Variants in FAM240B observed in about 807,000 individuals in gnomAD.
FAM240B encodes the protein family with sequence similarity 240 member B.
intron 2 of FAM240B, among the ~76,000 whole-genome samples, chr9:38,695,886 C>G (rs1306372292): frequency 6.6e-6 from 1 of 152,154 alleles, no homozygotes; most frequent in Non-Finnish European, 1.5e-5. Context: ...GAAATAAATA[C>G]GCAGTAATGT....
At chr9:38,701,585 C>T (rs564676618) in intron 2 of FAM240B, among the ~76,000 whole-genome samples, 2 of 152,320 alleles carry the variant, frequency 1.3e-5, no homozygotes, top group Admixed American at 6.5e-5. Flanking sequence ...GGAGAGACCA[C>T]AGGGAGCCTC....
At chr9:38,703,329 G>A (rs1004871201) in intron 2 of FAM240B, among the ~76,000 whole-genome samples, 26 of 152,178 alleles carry the variant, frequency 1.7e-4, no homozygotes, top group African/African-American at 6.3e-4. Context: ...CCGATCTCAA[G>A]TCTGTAGCCC....
chr9:38,708,149 C>G (rs537053938), intron 1 of FAM240B, among the ~76,000 whole-genome samples: 13 of 152,308 alleles, frequency 8.5e-5, no homozygotes, highest in African/African-American at 3.1e-4. Context: ...AGAGGGCTAC[C>G]TACCTGCCCC....
chr9:38,708,893 G>T (rs1484901002), intron 1 of FAM240B, among the ~76,000 whole-genome samples: 3 of 152,224 alleles, frequency 2.0e-5, no homozygotes, highest in Admixed American at 6.5e-5. Flanking sequence ...TGGGCTGTAA[G>T]AATTAGAAAG....
At chr9:38,711,003 C>T (rs1048178086) in intron 1 of FAM240B, among the ~76,000 whole-genome samples, 1 of 152,100 alleles carries the variant, frequency 6.6e-6, no homozygotes, top group Non-Finnish European at 1.5e-5. Flanking sequence ...AGAGAGATGG[C>T]GGCTCATGAC....
At chr9:38,711,143 G>A (rs1251742663) in intron 1 of FAM240B, among the ~76,000 whole-genome samples, 1 of 152,166 alleles carries the variant, frequency 6.6e-6, no homozygotes, top group Non-Finnish European at 1.5e-5. Flanking sequence ...ATCACATCAA[G>A]ACACACATCC....
chr9:38,710,768 T>G (rs1821245859), intron 1 of FAM240B, among the ~76,000 whole-genome samples: 1 of 152,180 alleles, frequency 6.6e-6, no homozygotes, highest in African/African-American at 2.4e-5. Flanking sequence ...CTTATTTTTA[T>G]GCTCTTTATT....
At chr9:38,718,643 A>C (rs920817587) in intron 1 of FAM240B, among the ~76,000 whole-genome samples, 1 of 152,208 alleles carries the variant, frequency 6.6e-6, no homozygotes, top group African/African-American at 2.4e-5. Flanking sequence ...TTCTCAGTTC[A>C]ATTTTGCATC....
At chr9:38,707,535 A>G (rs7047701) in intron 1 of FAM240B, among the ~76,000 whole-genome samples, 35,892 of 151,342 alleles carry the variant, frequency 0.24, 4,578 homozygotes, top group South Asian at 0.35. Flanking sequence ...TTGAGAGGCC[A>G]AGGCAGGCGG....
rs908260850 is a variant in FAM240B at position 38,703,985 on chromosome 9, G to A, written c.15C>T (p.Tyr5=). The A allele has an allele frequency of 1.0e-5, 4 of 390,270 alleles. No individual in the cohort carries two copies. Among genetic ancestry groups the A allele is most frequent in the African/African-American group, 2.1e-5 (1 of 48,218 alleles). 24.2% of individuals were successfully genotyped at this position (390,270 alleles called of 1,614,324 possible). The change falls in exon 2 of 3, where the codon TAC becomes TAT. Residue 5 remains tyrosine (Y), a synonymous_variant. Coordinates refer to ENST00000637493, the MANE Select transcript of FAM240B (RefSeq NM_001394922.1). MNNQ[Y]IRREVFCCGT... The stretch of plus-strand genomic sequence containing the variant: ...CACAGCAGAAGACTTCTCGACGGAT[G>A]TATTGATTGTTCATCCCCTGAAATA...
At chr9:38,706,449 TG>T (rs1330873404) in intron 1 of FAM240B, among the ~76,000 whole-genome samples, 101 of 152,304 alleles carry the variant, frequency 6.6e-4, no homozygotes, top group Non-Finnish European at 2.9e-5. Context: ...CTGGGGTGTT[TG>T]TGACTTAGAG....
chr9:38,709,790 T>C (rs1428716426), intron 1 of FAM240B, among the ~76,000 whole-genome samples: 1 of 152,248 alleles, frequency 6.6e-6, no homozygotes, highest in Non-Finnish European at 1.5e-5. Flanking sequence ...ATTTTTTACA[T>C]GAGCAACTTT....
intron 1 of FAM240B, among the ~76,000 whole-genome samples, chr9:38,714,139 G>C (rs1378749414): frequency 6.6e-6 from 1 of 152,196 alleles, no homozygotes; most frequent in Non-Finnish European, 1.5e-5. Context: ...CATGATGTTA[G>C]TTACAACCCA....
chr9:38,716,437 A>G (rs369687796), intron 1 of FAM240B, among the ~76,000 whole-genome samples: 1 of 151,834 alleles, frequency 6.6e-6, no homozygotes, highest in African/African-American at 2.4e-5. Context: ...GTGCCACAGC[A>G]CTCTAGCTTG....
At chr9:38,716,867 A>G (rs914067792) in intron 1 of FAM240B, among the ~76,000 whole-genome samples, 1 of 152,206 alleles carries the variant, frequency 6.6e-6, no homozygotes, top group African/African-American at 2.4e-5. Flanking sequence ...TTAGAAATGG[A>G]CTACCTGGAA....
At chr9:38,716,872 C>G (rs1326116868) in intron 1 of FAM240B, among the ~76,000 whole-genome samples, 1 of 152,186 alleles carries the variant, frequency 6.6e-6, no homozygotes, top group Admixed American at 6.5e-5. Flanking sequence ...AATGGACTAC[C>G]TGGAACGAAG....
chr9:38,709,490 C>T (rs1821227370), intron 1 of FAM240B, among the ~76,000 whole-genome samples: 1 of 152,218 alleles, frequency 6.6e-6, no homozygotes, highest in South Asian at 2.1e-4. Flanking sequence ...CAGTGGCTCT[C>T]TCTGCCTCTG....
At chr9:38,699,777 CTACCACACTATGTAAAGA>C (rs1448644585) in intron 2 of FAM240B, among the ~76,000 whole-genome samples, 1 of 152,226 alleles carries the variant, frequency 6.6e-6, no homozygotes, top group East Asian at 1.9e-4. Flanking sequence ...ACTTCTGTGG[CTACCACACTATGTAAAGA>C]AGAGCAATCG....
intron 2 of FAM240B, among the ~76,000 whole-genome samples, chr9:38,702,878 G>A (rs866710813): frequency 2.0e-5 from 3 of 152,150 alleles, no homozygotes; most frequent in South Asian, 2.1e-4. Flanking sequence ...AAAGGGTAGC[G>A]AACAGATTGT....
Sources: allele counts gnomAD v4.1 joint callset (sites outside exome capture counted in the v4.1 genomes callset), GRCh38; gene constraint gnomAD v4.1.1; transcripts MANE v1.5; gene names NCBI Gene and HGNC (gene_info 2026-07-23, HGNC 2026-07-21).